SGCD: variants seen among roughly 807,000 people sequenced by gnomAD.
The protein encoded by SGCD is sarcoglycan delta.
In SGCD, 18 loss-of-function variants were observed where a neutral mutation model predicts 36.6. The ratio of observed to expected loss-of-function variants is 0.49; its 90% confidence interval spans 0.34 to 0.73. SGCD has a LOEUF of 0.73. Among genes scored for constraint, SGCD ranks in the 30% least tolerant of loss-of-function variants. SGCD has a pLI of 0.01. For missense variants in SGCD, 387 were observed against 346.7 expected (o/e 1.12, Z -0.92); for synonymous variants, 133 against 130.6 (o/e 1.02, Z -0.12).
intron 3 of SGCD, among the ~76,000 whole-genome samples, chr5:156,256,026 T>C (rs1765707207): frequency 6.6e-6 from 1 of 152,212 alleles, no homozygotes; most frequent in African/African-American, 2.4e-5. Context: ...AGGCTGGTTC[T>C]GCTCACATTA....
intron 3 of SGCD, among the ~76,000 whole-genome samples, chr5:156,278,834 A>G (rs1213714316): frequency 6.6e-6 from 1 of 152,126 alleles, no homozygotes; most frequent in African/African-American, 2.4e-5. Flanking sequence ...TCTCTTTTGC[A>G]TTTGGAAAAA....
intron 1 of SGCD, among the ~76,000 whole-genome samples, chr5:155,975,609 C>CCTTTTTTTTTTTTTT (rs1758096365): frequency 1.1e-4 from 3 of 28,008 alleles, no homozygotes; most frequent in African/African-American, 2.6e-4. Flanking sequence ...TCTTTCTTTC[C>CCTTTTTTTTTTTTTT]TTTTTTTTTT....
intron 3 of SGCD, among the ~76,000 whole-genome samples, chr5:156,249,215 G>T (rs1765514386): frequency 6.6e-6 from 1 of 152,090 alleles, no homozygotes; most frequent in African/African-American, 2.4e-5. Context: ...TTCATGACTG[G>T]GTGGAAGAAG....
chr5:155,851,614 C>T, the SGCD span, among the ~76,000 whole-genome samples: 1 of 151,978 alleles, frequency 6.6e-6, no homozygotes, highest in Non-Finnish European at 1.5e-5. Context: ...GAAGAGTGGC[C>T]CCAGTGATAC....
intron 3 of SGCD, among the ~76,000 whole-genome samples, chr5:156,463,207 T>C (rs1247381670): frequency 6.6e-6 from 1 of 152,054 alleles, no homozygotes; most frequent in Admixed American, 6.6e-5. Context: ...GTCTGGCTAA[T>C]TTTTTGTATT....
At chr5:156,526,037 G>A (rs1757627793) in intron 4 of SGCD, among the ~76,000 whole-genome samples, 1 of 152,042 alleles carries the variant, frequency 6.6e-6, no homozygotes, top group African/African-American at 2.4e-5. Context: ...CTCCAGTTTT[G>A]TTCTTCTTGG....
At chr5:155,832,568 A>T in the SGCD span, among the ~76,000 whole-genome samples, 5 of 152,042 alleles carry the variant, frequency 3.3e-5, no homozygotes, top group African/African-American at 1.2e-4. Flanking sequence ...TGAGTTAGGG[A>T]TTCTAGTCTG....
At chr5:155,923,825 TA>T (rs1756938312) in intron 1 of SGCD, among the ~76,000 whole-genome samples, 1 of 152,242 alleles carries the variant, frequency 6.6e-6, no homozygotes, top group Non-Finnish European at 1.5e-5. Flanking sequence ...AACAAACAAT[TA>T]TTTTTTTCAC....
intron 3 of SGCD, among the ~76,000 whole-genome samples, chr5:156,498,570 T>G (rs1237265768): frequency 1.3e-5 from 2 of 152,238 alleles, no homozygotes; most frequent in Admixed American, 1.3e-4. Flanking sequence ...ATTTTTGAGG[T>G]TTGTCCATGT....
At chr5:156,076,397 A>G (rs773041769) in intron 1 of SGCD, among the ~76,000 whole-genome samples, 3 of 152,076 alleles carry the variant, frequency 2.0e-5, no homozygotes, top group East Asian at 3.9e-4. Flanking sequence ...CCATAATTTT[A>G]TGTAGTGTAT....
chr5:156,172,820 T>C (rs1763375616), intron 3 of SGCD, among the ~76,000 whole-genome samples: 1 of 151,512 alleles, frequency 6.6e-6, no homozygotes, highest in South Asian at 2.1e-4. Flanking sequence ...AAATTTTAAA[T>C]GGGAATCTTT....
intron 7 of SGCD, among the ~76,000 whole-genome samples, chr5:156,752,483 CT>C (rs1757182187): frequency 6.6e-6 from 1 of 152,234 alleles, no homozygotes; most frequent in South Asian, 2.1e-4. Flanking sequence ...ACCTCTGCCT[CT>C]CGGGTTCAAG....
intron 2 of SGCD, 150 bp downstream of exon 2, chr5:156,329,729 A>G (rs1767975996): frequency 2.6e-6 from 2 of 764,828 alleles, no homozygotes; most frequent in Non-Finnish European, 4.1e-6. Context: ...ATTTTAAAAA[A>G]TCTGCAGGCC....
At chr5:156,052,414 C>T (rs566061013) in intron 1 of SGCD, among the ~76,000 whole-genome samples, 2 of 146,414 alleles carry the variant, frequency 1.4e-5, no homozygotes, top group South Asian at 4.3e-4. Context: ...GGCCTTTGAA[C>T]TTCATGCTAA....
Position 156,758,075 on chromosome 5 carries a change from A to ATTACT in SGCD, c.699+374_699+378dup, listed in dbSNP as rs201594766. On this transcript the variant is annotated intron_variant, in intron 8 of 8. Coordinates refer to ENST00000337851, the MANE Select transcript of SGCD (RefSeq NM_000337.6). ...TCAAGATGAACTTAATTTACTTGTC[A>ATTACT]TTACTTTGTGTCACATGTTTCTGTT... 3,886 of 871,118 alleles carry ATTACT rather than the reference A, an allele frequency of 4.5e-3. 19 individuals carry two copies. Among genetic ancestry groups the ATTACT allele is most frequent in the Non-Finnish European group, 5.0e-3 (3,582 of 714,018 alleles). 54.0% of individuals were successfully genotyped at this position (871,118 alleles called of 1,614,324 possible).
intron 3 of SGCD, among the ~76,000 whole-genome samples, chr5:156,171,668 C>CAGT (rs1355290413): frequency 6.6e-6 from 1 of 152,158 alleles, no homozygotes; most frequent in African/African-American, 2.4e-5. Context: ...AATAGGCATA[C>CAGT]AGTAGCACAC....
intron 1 of SGCD, among the ~76,000 whole-genome samples, chr5:156,031,412 C>T (rs1759347036): frequency 6.6e-6 from 1 of 152,096 alleles, no homozygotes; most frequent in African/African-American, 2.4e-5. Context: ...TGGCAGTGGG[C>T]ATGATGGGGA....
the SGCD span, among the ~76,000 whole-genome samples, chr5:155,770,004 A>G: frequency 2.0e-5 from 3 of 151,316 alleles, no homozygotes; most frequent in African/African-American, 4.9e-5. Flanking sequence ...TTTTTCTACT[A>G]TGCAAACTCT....
At chr5:155,948,415 A>G (rs1393086423) in intron 1 of SGCD, among the ~76,000 whole-genome samples, 3 of 152,192 alleles carry the variant, frequency 2.0e-5, no homozygotes, top group African/African-American at 7.2e-5. Context: ...AAAAATCCAC[A>G]TCTCCTGTTG....
Sources: allele counts gnomAD v4.1 joint callset (sites outside exome capture counted in the v4.1 genomes callset), GRCh38; gene constraint gnomAD v4.1.1; transcripts MANE v1.5; gene names NCBI Gene and HGNC (gene_info 2026-07-23, HGNC 2026-07-21).